Variants in RMST observed in about 807,000 individuals in gnomAD.
RMST encodes rhabdomyosarcoma 2 associated transcript.
chr12:97,516,370 G>C (rs1214692321), intron 10 of RMST, among the ~76,000 whole-genome samples: 1 of 151,930 alleles, frequency 6.6e-6, no homozygotes, highest in Non-Finnish European at 1.5e-5. Context: ...AAACCCTGCA[G>C]TACATAACTT....
chr12:97,542,780 C>T (rs1243574919), intron 11 of RMST, among the ~76,000 whole-genome samples: 1 of 151,974 alleles, frequency 6.6e-6, no homozygotes, highest in Non-Finnish European at 1.5e-5. Context: ...AGGGTTCTTA[C>T]ATCCAGAAAG....
chr12:97,482,830 T>C (rs1196484051), intron 5 of RMST, among the ~76,000 whole-genome samples: 1 of 147,062 alleles, frequency 6.8e-6, no homozygotes, highest in Non-Finnish European at 1.5e-5. Context: ...ATTTATTTAT[T>C]AAATAAATTT....
At chr12:97,532,205 T>C (rs1477210118) in intron 11 of RMST, among the ~76,000 whole-genome samples, 2 of 151,964 alleles carry the variant, frequency 1.3e-5, no homozygotes, top group Non-Finnish European at 2.9e-5. Flanking sequence ...TACAGGAGAA[T>C]GTTTTTCTTT....
At chr12:97,507,536 G>A (rs759687253) in intron 10 of RMST, among the ~76,000 whole-genome samples, 7 of 152,250 alleles carry the variant, frequency 4.6e-5, no homozygotes, top group Middle Eastern at 6.8e-3. Flanking sequence ...GTTAATGATG[G>A]CAGTGAATGT....
Position 97,472,988 on chromosome 12 carries a change from T to C in RMST, n.644+7261T>C, listed in dbSNP as rs183509462. On this transcript the variant is annotated intron_variant and non_coding_transcript_variant, in intron 5 of 13. Transcript: ENST00000640149. Reference sequence around the variant, plus strand: ...AAAATATAATCGTTCTCTCATCAACTGTAGTAGAATTGGAGAGAAAAGAAA... The same window carrying C: ...AAAATATAATCGTTCTCTCATCAACCGTAGTAGAATTGGAGAGAAAAGAAA... Among the ~76,000 whole-genome samples, 9 of 152,236 alleles carry C rather than the reference T, an allele frequency of 5.9e-5. No individual in the cohort carries two copies. In the East Asian group the frequency reaches 1.7e-3, roughly 29 times the overall value.
At chr12:97,497,679 A>ATTTTT (rs113722074) in intron 10 of RMST, among the ~76,000 whole-genome samples, 4 of 143,082 alleles carry the variant, frequency 2.8e-5, no homozygotes, top group Admixed American at 1.4e-4. Context: ...CACAAGGATG[A>ATTTTT]TTTTTTTTTT....
chr12:97,477,676 C>A (rs912277688), intron 5 of RMST, among the ~76,000 whole-genome samples: 1 of 152,138 alleles, frequency 6.6e-6, no homozygotes, highest in Non-Finnish European at 1.5e-5. Context: ...TCCCAGCAAA[C>A]CTTTAAGGGA....
intron 11 of RMST, among the ~76,000 whole-genome samples, chr12:97,538,153 A>C (rs2136612379): frequency 6.6e-6 from 1 of 151,464 alleles, no homozygotes; most frequent in East Asian, 1.9e-4. Context: ...GCACCCCCCA[A>C]AAATAATAAT....
intron 5 of RMST, among the ~76,000 whole-genome samples, chr12:97,481,809 G>A (rs2136422005): frequency 6.6e-6 from 1 of 152,276 alleles, no homozygotes; most frequent in Admixed American, 6.5e-5. Context: ...AGAAATTTGG[G>A]CAGTACTCAT....
At chr12:97,484,390 G>A (rs1374794427) in intron 5 of RMST, among the ~76,000 whole-genome samples, 1 of 152,180 alleles carries the variant, frequency 6.6e-6, no homozygotes, top group Non-Finnish European at 1.5e-5. Flanking sequence ...GTGTGCAGAT[G>A]CTGAGCTTTT....
chr12:97,471,717 A>C (rs1873940313), intron 5 of RMST, among the ~76,000 whole-genome samples: 1 of 152,170 alleles, frequency 6.6e-6, no homozygotes, highest in Non-Finnish European at 1.5e-5. Flanking sequence ...ACCTGGGTGC[A>C]CAATGAGAAT....
At chr12:97,554,200 T>A (rs1883524510) in intron 11 of RMST, among the ~76,000 whole-genome samples, 1 of 152,140 alleles carries the variant, frequency 6.6e-6, no homozygotes, top group Admixed American at 6.5e-5. Context: ...GTGATCCATC[T>A]GCCTCAGCCT....
intron 13 of RMST, chr12:97,563,500 C>G: frequency 3.6e-6 from 1 of 276,068 alleles, no homozygotes; most frequent in Non-Finnish European, 7.0e-6. Flanking sequence ...TGTCTTCTGT[C>G]TTTCCGTATG....
intron 11 of RMST, chr12:97,541,317 A>G (rs1412826395): frequency 6.6e-6 from 1 of 151,794 alleles, no homozygotes; most frequent in Non-Finnish European, 1.5e-5. Context: ...AGGTAGGAGA[A>G]TATACTTGGA....
At chr12:97,504,530 AT>A (rs1357325809) in intron 10 of RMST, among the ~76,000 whole-genome samples, 21 of 152,032 alleles carry the variant, frequency 1.4e-4, no homozygotes, top group African/African-American at 4.6e-4. Flanking sequence ...TCATCATAAT[AT>A]TATAATATTG....
chr12:97,518,841 G>A (rs1880208133), intron 10 of RMST, among the ~76,000 whole-genome samples: 1 of 152,016 alleles, frequency 6.6e-6, no homozygotes, highest in South Asian at 2.1e-4. Context: ...GTGCAATCAT[G>A]GCTCACTGCA....
chr12:97,554,460 C>G (rs1232276794), intron 11 of RMST, among the ~76,000 whole-genome samples: 1 of 151,916 alleles, frequency 6.6e-6, no homozygotes, highest in Non-Finnish European at 1.5e-5. Flanking sequence ...TAAACGTGGA[C>G]AATTTCAAGT....
chr12:97,540,215 G>A (rs1313030206), intron 11 of RMST, among the ~76,000 whole-genome samples: 3 of 151,618 alleles, frequency 2.0e-5, no homozygotes, highest in East Asian at 3.9e-4. Context: ...ACACAGTAGG[G>A]ACACTTGAAG....
chr12:97,481,371 T>C (rs1402634240), intron 5 of RMST, among the ~76,000 whole-genome samples: 1 of 152,180 alleles, frequency 6.6e-6, no homozygotes, highest in African/African-American at 2.4e-5. Context: ...CCTCTTACTA[T>C]TTTATTACCT....
Sources: gnomAD v4.1 joint callset for allele counts (sites outside exome capture counted in the v4.1 genomes callset) on GRCh38, gnomAD v4.1.1 for gene constraint, MANE v1.5 for transcripts, NCBI Gene and HGNC (gene_info 2026-07-23, HGNC 2026-07-21) for gene names.